The following EGFL7 variants were observed in gnomAD, a reference collection of about 807,000 sequenced individuals.
EGFL7 encodes epidermal growth factor-like protein 7.
EGFL7 carries 48 observed loss-of-function variants against 37.1 expected under a neutral mutation model. The observed-to-expected ratio is 1.29, with a 90% CI of 1.03 to 1.65. The LOEUF (loss-of-function observed/expected upper bound fraction) is 1.65, where lower values mean the gene tolerates loss of function less well. Among genes scored for constraint, EGFL7 ranks in the 40% most tolerant of loss-of-function variants. The pLI is 0.00. For missense variants in EGFL7, 384 were observed against 378.9 expected (o/e 1.01, Z -0.11); for synonymous variants, 180 against 156.8 (o/e 1.15, Z -1.10).
rs1006885252 is a variant in EGFL7, at chr9:136,668,889, G to C, written c.197+216G>C. On this transcript the variant is annotated intron_variant, in intron 5 of 10. Coordinates refer to ENST00000308874, the MANE Select transcript of EGFL7 (RefSeq NM_016215.5). ...GTGTCCTAATCCTTGCTCTTGCCCC[G>C]ACACGTCTCAAAGGACCGCACCTCT... Among the ~76,000 whole-genome samples, 3 of 152,116 alleles carry C rather than the reference G, an allele frequency of 2.0e-5. No individual in the cohort carries two copies. The East Asian group carries it at 5.8e-4, about 29-fold the overall frequency.
chr9:136,668,532 G>A, intron 4 of EGFL7, 25 bp from the exon 5 acceptor site: 1 of 1,601,606 alleles, frequency 6.2e-7, no homozygotes, highest in Non-Finnish European at 8.5e-7. Context: ...GGACTCCTGG[G>A]CTGACCCCCT....
At chr9:136,667,307 C>G (rs182697022) in intron 3 of EGFL7, among the ~76,000 whole-genome samples, 1 of 152,220 alleles carries the variant, frequency 6.6e-6, no homozygotes, top group East Asian at 1.9e-4. Flanking sequence ...TGCAGTGCCT[C>G]GGAAGGAACC....
chr9:136,661,570 A>G (rs1023520429), upstream of EGFL7, among the ~76,000 whole-genome samples: 2 of 152,202 alleles, frequency 1.3e-5, no homozygotes, highest in Non-Finnish European at 2.9e-5. Context: ...GTGACCATGA[A>G]GCAGGTGCAG....
At chr9:136,659,347 G>C (rs2119052392), upstream of EGFL7, 1 of 152,400 alleles carries the variant, frequency 6.6e-6, no homozygotes, top group Non-Finnish European at 1.5e-5. Flanking sequence ...TCCGAGGCCG[G>C]GGGGCGCTCG....
chr9:136,671,814 C>T (rs971868304), intron 9 of EGFL7, 112 bp from the exon 10 acceptor site: 12 of 1,350,298 alleles, frequency 8.9e-6, no homozygotes, highest in Middle Eastern at 2.7e-4. Context: ...AGCCCTGCCG[C>T]GGAGGCGGGG....
At chr9:136,661,500 GC>G (rs1187599597), upstream of EGFL7, among the ~76,000 whole-genome samples, 1 of 152,120 alleles carries the variant, frequency 6.6e-6, no homozygotes, top group African/African-American at 2.4e-5. Context: ...CTGGAAAGAG[GC>G]CCCTCCCGCT....
At chr9:136,669,821 C>G in intron 6 of EGFL7, 93 bp from the exon 7 acceptor site, 1 of 1,437,782 alleles carries the variant, frequency 7.0e-7, no homozygotes, top group East Asian at 2.5e-5. Flanking sequence ...GAGCAAAGCA[C>G]CACCTTGCCG....
Position 136,672,343 on chromosome 9 carries a change from C to T in EGFL7, c.*57C>T. The T allele has an allele frequency of 1.2e-6, 2 of 1,610,316 alleles. No individual in the cohort carries two copies. Among genetic ancestry groups the T allele is most frequent in the Non-Finnish European group, 1.7e-6 (2 of 1,177,768 alleles). On this transcript the variant is annotated 3_prime_UTR_variant, in exon 11 of 11. Transcript: ENST00000308874. ...TCACGCCGCCCTGCAGCCCCCATGC[C>T]CCTGCCCAACATGCTGGGGGTCCAG...
rs1424306532 is a variant in EGFL7, at chr9:136,671,955, C to G, written c.666C>G (p.His222Gln). The change falls in exon 10 of 11, where the codon CAC becomes CAG. Residue 222 changes from histidine (H) to glutamine (Q), a missense_variant. Transcript: ENST00000308874. The part of the protein sequence containing the change: ...EKLQLVLAPL[H>Q]SLASQALEHG... Reference sequence around the variant, plus strand: ...TGCAGCTGGTGCTGGCCCCACTGCACAGCCTGGCCTCGCAGGCACTGGAGC... The same window carrying G: ...TGCAGCTGGTGCTGGCCCCACTGCAGAGCCTGGCCTCGCAGGCACTGGAGC... The G allele has an allele frequency of 1.3e-6, 2 of 1,533,252 alleles. No homozygotes were observed. Among genetic ancestry groups the G allele is most frequent in the Non-Finnish European group, 1.7e-6 (2 of 1,143,042 alleles). The allele number at this position is 1,533,252 out of a possible 1,614,324, so 95.0% of individuals were successfully genotyped here.
chr9:136,670,142 G>A, intron 7 of EGFL7, 27 bp from the exon 8 acceptor site: 3 of 1,612,516 alleles, frequency 1.9e-6, no homozygotes, highest in Non-Finnish European at 2.5e-6. Flanking sequence ...CCGCAGGCAT[G>A]GCCGCCTGAC....
At position 136,668,588 on chromosome 9, in the gene EGFL7, G is replaced by C. The variant is rs781514618; in HGVS notation, c.112G>C (p.Asp38His). 2.5e-6 allele frequency: 4 copies of C among 1,608,868 alleles called. No homozygotes were observed. The highest frequency in any genetic ancestry group is 3.4e-6 in the Non-Finnish European group (4 of 1,179,776). ...RRVCAVRAHG[D>H]PVSESFVQRV... ...GGTGTGTGCTGTCCGGGCTCACGGG[G>C]ACCCTGTCTCCGAGTCGTTCGTGCA... The change falls in exon 5 of 11, where the codon GAC (aspartate) becomes CAC (histidine). Residue 38 changes from aspartate to histidine, a missense_variant. Transcript: ENST00000308874.
intron 7 of EGFL7, 67 bp from the exon 8 acceptor site, chr9:136,670,102 G>A (rs1845747503): frequency 1.2e-6 from 2 of 1,608,574 alleles, no homozygotes; most frequent in African/African-American, 1.3e-5. Context: ...GTGGGTGGTT[G>A]TGAAGGGAGC....
rs1226797112 is a variant in EGFL7 at position 136,663,049 on chromosome 9, C to T, written c.-412C>T. On this transcript the variant is annotated 5_prime_UTR_variant, in exon 1 of 11. Coordinates refer to ENST00000308874, the MANE Select transcript of EGFL7 (RefSeq NM_016215.5). ...GGCCCCAGCAAGGGCTAGGGTCCAT[C>T]TCCAGTCCCAGGACACAGCAGCGGC... 6.6e-6 allele frequency: 1 copy of T among 152,420 alleles called. No homozygotes were observed. Among genetic ancestry groups the T allele is most frequent in the Admixed American group, 6.5e-5 (1 of 15,284 alleles). The allele number at this position is 152,420 out of a possible 1,614,324, so 9.4% of individuals were successfully genotyped here. A position where few individuals can be genotyped will look rare whatever the true frequency, so the allele number is the denominator to read the frequency against.
At chr9:136,668,434 C>T (rs1845617427) in intron 4 of EGFL7, 72 bp downstream of exon 4, 38 of 1,515,570 alleles carry the variant, frequency 2.5e-5, no homozygotes, top group Non-Finnish European at 3.4e-5. Flanking sequence ...TAGAGGCGGC[C>T]CTCAGCACCT....
At chr9:136,668,453 C>T in intron 4 of EGFL7, 91 bp downstream of exon 4, 1 of 1,512,416 alleles carries the variant, frequency 6.6e-7, no homozygotes, top group Non-Finnish European at 9.0e-7. Context: ...CTGTCGGGGA[C>T]TCCCTGGGGG....
At chr9:136,671,860 C>T in intron 9 of EGFL7, 66 bp from the exon 10 acceptor site, 1 of 1,439,256 alleles carries the variant, frequency 6.9e-7, no homozygotes, top group Non-Finnish European at 9.1e-7. Flanking sequence ...AGGGGTCCTC[C>T]CTAGACCCCG....
intron 2 of EGFL7, among the ~76,000 whole-genome samples, 159 bp downstream of exon 2, chr9:136,663,782 C>T (rs1845290843): frequency 6.6e-6 from 1 of 152,184 alleles, no homozygotes; most frequent in African/African-American, 2.4e-5. Context: ...CCCCCAAAAC[C>T]ACAGTGGGTC....
intron 3 of EGFL7, among the ~76,000 whole-genome samples, chr9:136,665,079 G>A (rs1845375943): frequency 6.6e-6 from 1 of 152,350 alleles, no homozygotes; most frequent in Admixed American, 6.5e-5. Context: ...CTCTCTGGGG[G>A]CCTGTGGATT....
chr9:136,670,557 G>T, intron 8 of EGFL7: 1 of 791,548 alleles, frequency 1.3e-6, no homozygotes, highest in South Asian at 1.4e-5. Flanking sequence ...CCGTCCCGGG[G>T]TCCTGTCTGC....
Sources: allele counts gnomAD v4.1 joint callset (sites outside exome capture counted in the v4.1 genomes callset), GRCh38; gene constraint gnomAD v4.1.1; transcripts MANE v1.5; gene names NCBI Gene and HGNC (gene_info 2026-07-23, HGNC 2026-07-21).